Variants in MBD5 observed in about 807,000 individuals in gnomAD.
The protein encoded by MBD5 is methyl-CpG-binding domain protein 5.
MBD5 carries 13 observed loss-of-function variants against 117.3 expected under a neutral mutation model. The ratio of observed to expected loss-of-function variants is 0.11; its 90% CI spans 0.07 to 0.18. The LOEUF (loss-of-function observed/expected upper bound fraction) is 0.18. Among genes scored for constraint, MBD5 ranks in the 10% least tolerant of loss-of-function variants. The pLI, the probability that MBD5 is intolerant of heterozygous loss-of-function variation, is 1.00. For missense variants in MBD5, 1,879 were observed against 2,093.8 expected (o/e 0.90, Z 2.00); for synonymous variants, 727 against 766.4 (o/e 0.95, Z 0.85).
At chr2:148,351,939 C>T (rs1703260456) in intron 4 of MBD5, among the ~76,000 whole-genome samples, 1 of 151,970 alleles carries the variant, frequency 6.6e-6, no homozygotes, top group African/African-American at 2.4e-5. Context: ...GTGTAGAGAT[C>T]CTCTCTGCCC....
At chr2:148,151,527 C>T (rs1697667205) in intron 1 of MBD5, among the ~76,000 whole-genome samples, 1 of 152,224 alleles carries the variant, frequency 6.6e-6, no homozygotes, top group African/African-American at 2.4e-5. Context: ...GTACCAGCTC[C>T]TCCTTGTACC....
chr2:148,043,287 A>G (rs992864167), intron 1 of MBD5, among the ~76,000 whole-genome samples: 43 of 150,834 alleles, frequency 2.9e-4, no homozygotes, highest in African/African-American at 1.0e-3. Flanking sequence ...AAATAAAAAA[A>G]TAAATAAATA....
intron 4 of MBD5, among the ~76,000 whole-genome samples, chr2:148,359,133 C>A (rs1224189653): frequency 6.6e-6 from 1 of 151,664 alleles, no homozygotes; most frequent in East Asian, 1.9e-4. Flanking sequence ...TTGGTGGCAC[C>A]CTGCACGCCT....
chr2:148,401,554 G>C (rs774407475), intron 4 of MBD5, among the ~76,000 whole-genome samples: 1 of 152,052 alleles, frequency 6.6e-6, no homozygotes, highest in Non-Finnish European at 1.5e-5. Context: ...TTCTTCATCT[G>C]TCTGAGCTTA....
intron 4 of MBD5, among the ~76,000 whole-genome samples, chr2:148,385,661 G>A (rs1224575596): frequency 7.2e-5 from 11 of 151,850 alleles, no homozygotes; most frequent in East Asian, 5.8e-4. Flanking sequence ...ACATGCACAC[G>A]TATGTTTATT....
chr2:148,039,995 A>C (rs979315291), intron 1 of MBD5, among the ~76,000 whole-genome samples: 6 of 152,136 alleles, frequency 3.9e-5, no homozygotes, highest in African/African-American at 1.4e-4. Flanking sequence ...CAGCCTGGGC[A>C]AGATAGTGAG....
chr2:148,480,698 A>G (rs1267030802), intron 8 of MBD5, among the ~76,000 whole-genome samples: 1 of 152,130 alleles, frequency 6.6e-6, no homozygotes, highest in Non-Finnish European at 1.5e-5. Context: ...GGTTTTGATT[A>G]TTTTGTAACA....
In MBD5 at chr2:148,513,048, C is replaced by T. The variant is rs912564516; in HGVS notation, c.*107C>T. The T allele has an allele frequency of 8.9e-7, 1 of 1,120,522 alleles. No individual in the cohort carries two copies. The highest frequency in any genetic ancestry group is 1.3e-5 in the South Asian group (1 of 79,004). 69.4% of individuals were successfully genotyped at this position (1,120,522 alleles called of 1,614,324 possible). A position where few individuals can be genotyped will look rare whatever the true frequency, so the allele number is the denominator to read the frequency against. ...AGTTATATCAATATTTAGACTATGGCAGATAGCTACCACCACCACAGGGTG... is the reference window on the plus strand; with the variant it reads ...AGTTATATCAATATTTAGACTATGGTAGATAGCTACCACCACCACAGGGTG... On this transcript the variant is annotated 3_prime_UTR_variant, in exon 14 of 14. Coordinates refer to ENST00000642680, the MANE Select transcript of MBD5 (RefSeq NM_001378120.1).
chr2:148,442,941 A>C (rs190940933), intron 4 of MBD5, among the ~76,000 whole-genome samples: 7 of 151,638 alleles, frequency 4.6e-5, no homozygotes, highest in Middle Eastern at 3.4e-3. Flanking sequence ...GAAAACAATC[A>C]ACAAAGTGAA....
At chr2:148,251,775 A>G (rs1323151761) in intron 3 of MBD5, among the ~76,000 whole-genome samples, 1 of 152,150 alleles carries the variant, frequency 6.6e-6, no homozygotes, top group African/African-American at 2.4e-5. Context: ...AATTAATGCA[A>G]TTGTTGACTT....
At chr2:148,155,600 T>C (rs1697853794) in intron 1 of MBD5, among the ~76,000 whole-genome samples, 1 of 152,262 alleles carries the variant, frequency 6.6e-6, no homozygotes, top group Non-Finnish European at 1.5e-5. Flanking sequence ...TTGATACTTT[T>C]GCCTTCATTT....
At chr2:148,232,385 A>G (rs1700008994) in intron 2 of MBD5, among the ~76,000 whole-genome samples, 1 of 152,196 alleles carries the variant, frequency 6.6e-6, no homozygotes, top group Non-Finnish European at 1.5e-5. Context: ...ATAGTAGAGT[A>G]GTAGATGGTT....
chr2:148,246,599 C>T (rs753698875), intron 3 of MBD5, among the ~76,000 whole-genome samples: 3 of 151,462 alleles, frequency 2.0e-5, no homozygotes, highest in Non-Finnish European at 2.9e-5. Context: ...TGAAACCCCA[C>T]GTCTACTAAA....
At chr2:148,266,872 A>G (rs1700872554) in intron 3 of MBD5, among the ~76,000 whole-genome samples, 2 of 152,168 alleles carry the variant, frequency 1.3e-5, no homozygotes, top group African/African-American at 4.8e-5. Context: ...TTTCTTCCAC[A>G]TTAGTCTGTA....
At chr2:148,284,399 T>A (rs1701323835) in intron 3 of MBD5, among the ~76,000 whole-genome samples, 1 of 152,216 alleles carries the variant, frequency 6.6e-6, no homozygotes, top group Non-Finnish European at 1.5e-5. Context: ...TTTTAAGAAT[T>A]TTCTATTGTT....
At chr2:148,090,447 A>C (rs1695908045) in intron 1 of MBD5, among the ~76,000 whole-genome samples, 1 of 152,124 alleles carries the variant, frequency 6.6e-6, no homozygotes, top group African/African-American at 2.4e-5. Flanking sequence ...TCTCAACAGA[A>C]TACTAGCAAA....
At chr2:148,115,085 T>A (rs1696600483) in intron 1 of MBD5, among the ~76,000 whole-genome samples, 1 of 152,146 alleles carries the variant, frequency 6.6e-6, no homozygotes, top group African/African-American at 2.4e-5. Flanking sequence ...ACTCTAATCG[T>A]TCTGTACAAG....
At chr2:148,406,959 C>A (rs566268404) in intron 4 of MBD5, among the ~76,000 whole-genome samples, 2 of 152,244 alleles carry the variant, frequency 1.3e-5, no homozygotes, top group East Asian at 3.9e-4. Context: ...ACATGACCTG[C>A]AATTATTTTA....
intron 3 of MBD5, among the ~76,000 whole-genome samples, chr2:148,338,438 G>A (rs1702851703): frequency 6.6e-6 from 1 of 152,068 alleles, no homozygotes; most frequent in Non-Finnish European, 1.5e-5. Flanking sequence ...TGAAATGGCA[G>A]GCATGGTGTC....
Sources: gnomAD v4.1 joint callset for allele counts (sites outside exome capture counted in the v4.1 genomes callset) on GRCh38, gnomAD v4.1.1 for gene constraint, MANE v1.5 for transcripts, NCBI Gene and HGNC (gene_info 2026-07-23, HGNC 2026-07-21) for gene names.